NPHP1: variants seen among roughly 807,000 people sequenced by gnomAD.
NPHP1 encodes nephrocystin 1.
NPHP1 carries 70 observed loss-of-function variants against 90.4 expected under a neutral mutation model. The ratio of observed to expected loss-of-function variants is 0.77; its 90% confidence interval spans 0.64 to 0.95. NPHP1 has a LOEUF of 0.95. Among genes scored for constraint, NPHP1 ranks in the 40% least tolerant of loss-of-function variants. The pLI, the probability that NPHP1 is intolerant of heterozygous loss-of-function variation, is 0.00. For synonymous variants in NPHP1, 256 were observed against 271.7 expected (o/e 0.94, Z 0.57); for missense variants, 764 against 795.9 (o/e 0.96, Z 0.48).
intron 2 of NPHP1, among the ~76,000 whole-genome samples, chr2:110,183,599 G>A (rs1429630215): frequency 1.3e-5 from 2 of 152,002 alleles, no homozygotes; most frequent in South Asian, 2.1e-4. Flanking sequence ...TTCCTCTAGC[G>A]CCGCTGGGTT....
intron 4 of NPHP1, 100 bp downstream of exon 4, chr2:110,178,323 T>C: frequency 8.7e-7 from 1 of 1,150,956 alleles, no homozygotes; most frequent in Non-Finnish European, 1.3e-6. Flanking sequence ...TTAGTGTCAT[T>C]TGTTTATATC....
At chr2:110,125,041 C>T (rs1348808341) in intron 19 of NPHP1, 7 of 604,120 alleles carry the variant, frequency 1.2e-5, no homozygotes, top group Non-Finnish European at 1.9e-5. Flanking sequence ...TGGTCATTTA[C>T]ATATTGTCTG....
intron 4 of NPHP1, among the ~76,000 whole-genome samples, chr2:110,170,924 G>A (rs1176615001): frequency 6.6e-6 from 1 of 152,100 alleles, no homozygotes; most frequent in Non-Finnish European, 1.5e-5. Flanking sequence ...GAGAGTTGAG[G>A]CTGAAAAGAG....
intron 18 of NPHP1, 107 bp from the exon 19 acceptor site, chr2:110,125,788 T>A: frequency 1.1e-6 from 1 of 916,362 alleles, no homozygotes; most frequent in Non-Finnish European, 1.8e-6. Context: ...TTAAAAATGC[T>A]GTACAGATTC....
At position 110,143,609 on chromosome 2, in the gene NPHP1, T is replaced by C. The variant is rs373953762; in HGVS notation, c.1462A>G (p.Met488Val). ...HGSVFYQIMT[M>V]RRQPQLLVKL... is the part of the protein sequence containing the mutation. ...ACTAGAAGTTGAGGCTGCCTTCTCA[T>C]TGTCATAATCTGGTAGAAAACACTG... is the stretch of plus-strand genomic sequence containing the variant. Residue 488 changes from methionine to valine, a missense_variant, in exon 16 of 20, where the codon ATG becomes GTG. Coordinates refer to ENST00000445609, the MANE Select transcript of NPHP1 (RefSeq NM_001128178.3). The C allele has an allele frequency of 2.5e-6, 4 of 1,613,718 alleles. No homozygotes were observed. The highest frequency in any genetic ancestry group is 3.4e-6 in the Non-Finnish European group (4 of 1,179,638).
At chr2:110,124,304 C>G (rs1427424853) in intron 19 of NPHP1, 2 of 578,584 alleles carry the variant, frequency 3.5e-6, no homozygotes, top group Non-Finnish European at 6.2e-6. Flanking sequence ...TCCATGAGAC[C>G]AGGGTGTCTC....
intron 2 of NPHP1, among the ~76,000 whole-genome samples, chr2:110,182,500 G>T (rs1683976081): frequency 6.6e-6 from 1 of 152,062 alleles, no homozygotes; most frequent in Non-Finnish European, 1.5e-5. Context: ...CATTCTTAAA[G>T]AAAAGAAATT....
chr2:110,164,501 AAC>A, intron 8 of NPHP1, 185 bp downstream of exon 8: 1 of 1,252,376 alleles, frequency 8.0e-7, no homozygotes, highest in Non-Finnish European at 1.2e-6. Context: ...AAAAAAAAAA[AAC>A]TAATGAGAAA....
intron 2 of NPHP1, among the ~76,000 whole-genome samples, chr2:110,183,901 G>A (rs1164615273): frequency 3.3e-5 from 5 of 151,954 alleles, no homozygotes; most frequent in African/African-American, 9.7e-5. Context: ...TCAAGTAATC[G>A]GAAATAAAAT....
chr2:110,164,091 C>T (rs1191222532), intron 8 of NPHP1: 6 of 197,876 alleles, frequency 3.0e-5, no homozygotes, highest in Admixed American at 1.1e-4. Flanking sequence ...CTCTGGAGTG[C>T]AGTGGCACAA....
intron 2 of NPHP1, among the ~76,000 whole-genome samples, 158 bp downstream of exon 2, chr2:110,201,263 G>A (rs532549148): frequency 2.6e-5 from 4 of 152,202 alleles, no homozygotes; most frequent in African/African-American, 4.8e-5. Flanking sequence ...CAGCAAGTCC[G>A]CAACCATCAG....
chr2:110,184,862 T>TTGA, intron 2 of NPHP1: 1 of 699,924 alleles, frequency 1.4e-6, no homozygotes, highest in Non-Finnish European at 2.7e-6. Context: ...TGAGCTGCTC[T>TTGA]TCAGGCCAGA....
chr2:110,126,722 C>T (rs1213653452), intron 18 of NPHP1: 1 of 152,616 alleles, frequency 6.6e-6, no homozygotes, highest in African/African-American at 2.4e-5. Flanking sequence ...ACATGCTGTA[C>T]ATTTTAAATT....
chr2:110,139,607 GT>G (rs1680482252), intron 16 of NPHP1, among the ~76,000 whole-genome samples: 1 of 152,180 alleles, frequency 6.6e-6, no homozygotes, highest in African/African-American at 2.4e-5. Flanking sequence ...AGAGGGCAGT[GT>G]AAAGCCAAAC....
chr2:110,183,711 C>T (rs886316192), intron 2 of NPHP1, among the ~76,000 whole-genome samples: 4 of 152,074 alleles, frequency 2.6e-5, no homozygotes, highest in African/African-American at 9.7e-5. Flanking sequence ...TAGTGGGAGA[C>T]TTTAATACCC....
Position 110,148,800 on chromosome 2 carries a change from C to G in NPHP1, c.1159-774G>C, listed in dbSNP as rs144779145. On this transcript the variant is annotated intron_variant, in intron 12 of 19. Transcript: ENST00000445609. The stretch of plus-strand genomic sequence containing the variant: ...TAAAGACTGAATACACATATTTGCT[C>G]AACTTTCCTAATGTGTGCCTTGTGA... Among the ~76,000 whole-genome samples the G allele has an allele frequency of 1.5e-3, 224 of 152,272 alleles. 2 individuals carry two copies. Among genetic ancestry groups the G allele is most frequent in the African/African-American group, 5.2e-3 (216 of 41,562 alleles).
At chr2:110,178,645 G>T in intron 3 of NPHP1, 98 bp from the exon 4 acceptor site, 1 of 1,038,682 alleles carries the variant, frequency 9.6e-7, no homozygotes, top group Non-Finnish European at 1.4e-6. Context: ...ATATAACAAA[G>T]TAAATATCAG....
chr2:110,156,450 G>A (rs1681893548), intron 11 of NPHP1, among the ~76,000 whole-genome samples: 1 of 151,990 alleles, frequency 6.6e-6, no homozygotes, highest in African/African-American at 2.4e-5. Flanking sequence ...GCCCTTTCTT[G>A]GGTATGTCTT....
Position 110,146,629 on chromosome 2 carries a change from A to G in NPHP1, c.1352+124T>C. The G allele has an allele frequency of 2.7e-6, 2 of 739,522 alleles. 1 individual carries two copies. The highest frequency in any genetic ancestry group is 3.9e-5 in the Admixed American group (2 of 50,664). The allele number at this position is 739,522 out of a possible 1,614,324, so 45.8% of individuals were successfully genotyped here. On this transcript the variant is annotated intron_variant, in intron 14 of 19. Transcript: ENST00000445609. ...ACACTGCCTAAACAACACTAAAGTCAACATAAAAAGTCCTCTCCCCAAAAG... is the reference window on the plus strand; with the variant it reads ...ACACTGCCTAAACAACACTAAAGTCGACATAAAAAGTCCTCTCCCCAAAAG...
Sources: allele counts gnomAD v4.1 joint callset (sites outside exome capture counted in the v4.1 genomes callset), GRCh38; gene constraint gnomAD v4.1.1; transcripts MANE v1.5; gene names NCBI Gene and HGNC (gene_info 2026-07-23, HGNC 2026-07-21).